SIPA1L3: variants seen among roughly 807,000 people sequenced by gnomAD.
The protein encoded by SIPA1L3 is signal-induced proliferation-associated 1-like protein 3.
In SIPA1L3, 59 loss-of-function variants were observed where a neutral mutation model predicts 150.1. The observed-to-expected ratio is 0.39, with a 90% CI of 0.32 to 0.49. SIPA1L3 has a LOEUF of 0.49. SIPA1L3 is among the 20% of genes least tolerant of loss of function. The pLI is 0.86. For missense variants in SIPA1L3, 2,211 were observed against 2,489.5 expected (o/e 0.89, Z 2.38); for synonymous variants, 1,070 against 1,077.6 (o/e 0.99, Z 0.14).
chr19:38,169,079 A>G (rs983774556), intron 15 of SIPA1L3, among the ~76,000 whole-genome samples: 2 of 152,150 alleles, frequency 1.3e-5, no homozygotes, highest in African/African-American at 2.4e-5. Context: ...GAGAAAATAA[A>G]ATGAGTTGAT....
chr19:38,197,889 C>G (rs1480021500), intron 18 of SIPA1L3, among the ~76,000 whole-genome samples: 2 of 134,546 alleles, frequency 1.5e-5, no homozygotes, highest in African/African-American at 6.3e-5. Flanking sequence ...CCCAAACACA[C>G]AGTCCGTCCC....
intron 1 of SIPA1L3, among the ~76,000 whole-genome samples, chr19:37,910,112 G>A (rs981558695): frequency 6.6e-6 from 1 of 152,170 alleles, no homozygotes; most frequent in Non-Finnish European, 1.5e-5. Context: ...AGAATGTGCA[G>A]TGATTGGTGC....
chr19:38,119,614 G>A lies in SIPA1L3; in HGVS notation c.2600G>A (p.Ser867Asn). ...GCACGGGCTGGCGCTGAGCAGCACA[G>A]TGCAGGGGCCATCGCCTGGAGGGTG... ...TKARAGAEQHSAGAIAWRVVA... is the reference protein window; with the variant it reads ...TKARAGAEQHNAGAIAWRVVA... Residue 867 changes from serine to asparagine, a missense_variant, in exon 9 of 22, where the codon AGT (serine) becomes AAT (asparagine). By Grantham distance (46) the Ser-to-Asn change is conservative. Coordinates refer to ENST00000222345, the MANE Select transcript of SIPA1L3 (RefSeq NM_015073.3). The A allele has an allele frequency of 6.2e-7, 1 of 1,614,258 alleles. No individual in the cohort carries two copies. The highest frequency in any genetic ancestry group is 8.5e-7 in the Non-Finnish European group (1 of 1,180,040).
intron 10 of SIPA1L3, among the ~76,000 whole-genome samples, chr19:38,137,857 A>T (rs4802248): frequency 0.36 from 54,011 of 151,722 alleles, 10,711 homozygotes; most frequent in East Asian, 0.62. Context: ...AAGGCCAGGC[A>T]TGGTGGCTCA....
intron 10 of SIPA1L3, among the ~76,000 whole-genome samples, chr19:38,139,504 A>G (rs1329785831): frequency 6.6e-6 from 1 of 152,116 alleles, no homozygotes; most frequent in Admixed American, 6.5e-5. Flanking sequence ...TGGCATGTCT[A>G]CAGGCTCTGA....
At chr19:38,118,970 G>C (rs953532004) in intron 8 of SIPA1L3, among the ~76,000 whole-genome samples, 2 of 152,174 alleles carry the variant, frequency 1.3e-5, no homozygotes, top group Non-Finnish European at 2.9e-5. Context: ...CCAGGAGGTA[G>C]GATGGCTTGA....
At chr19:38,185,853 T>C (rs1385464358) in intron 16 of SIPA1L3, 2 of 152,172 alleles carry the variant, frequency 1.3e-5, no homozygotes, top group African/African-American at 2.4e-5. Context: ...GAGGTCACAT[T>C]TGGAGATGCT....
intron 11 of SIPA1L3, 110 bp downstream of exon 11, chr19:38,141,545 T>G: frequency 1.7e-6 from 2 of 1,194,130 alleles, no homozygotes; most frequent in Non-Finnish European, 2.3e-6. Flanking sequence ...CGCCTCAAGC[T>G]TTCGACCTTC....
chr19:37,909,973 TAAAAA>T (rs34356507), intron 1 of SIPA1L3, among the ~76,000 whole-genome samples: 6 of 143,236 alleles, frequency 4.2e-5, no homozygotes, highest in Admixed American at 1.4e-4. Context: ...AGCAGTGGCT[TAAAAA>T]AAAAAAAAAA....
chr19:37,916,331 C>A (rs1365732837), intron 1 of SIPA1L3, among the ~76,000 whole-genome samples: 1 of 151,664 alleles, frequency 6.6e-6, no homozygotes, highest in Non-Finnish European at 1.5e-5. Context: ...CTGACCTCAT[C>A]TCTGCAAAAA....
intron 10 of SIPA1L3, 75 bp downstream of exon 10, chr19:38,130,847 G>A: frequency 6.8e-7 from 1 of 1,469,556 alleles, no homozygotes; most frequent in Non-Finnish European, 9.2e-7. Flanking sequence ...CCCTGGCACT[G>A]TCACTTGAGG....
intron 16 of SIPA1L3, among the ~76,000 whole-genome samples, chr19:38,191,398 CA>C (rs749460599): frequency 0.094 from 11,222 of 119,986 alleles, 1,180 homozygotes; most frequent in African/African-American, 0.27. Flanking sequence ...GGCTCTGTCT[CA>C]AAAAAAAAAA....
At chr19:38,038,139 A>T (rs572060788) in intron 2 of SIPA1L3, among the ~76,000 whole-genome samples, 1 of 152,080 alleles carries the variant, frequency 6.6e-6, no homozygotes, top group African/African-American at 2.4e-5. Context: ...ATGCCAGAGG[A>T]TGGGGCCAGG....
At chr19:38,079,590 T>A (rs1969931523) in intron 2 of SIPA1L3, among the ~76,000 whole-genome samples, 1 of 150,846 alleles carries the variant, frequency 6.6e-6, no homozygotes, top group Non-Finnish European at 1.5e-5. Context: ...AGGATCTCGC[T>A]TTGTTGCCCA....
intron 13 of SIPA1L3, among the ~76,000 whole-genome samples, chr19:38,157,325 A>G (rs1202757230): frequency 6.6e-6 from 1 of 152,178 alleles, no homozygotes; most frequent in Non-Finnish European, 1.5e-5. Context: ...CTTCATGTTT[A>G]GTCGTCTCAG....
intron 1 of SIPA1L3, among the ~76,000 whole-genome samples, chr19:37,962,456 A>G (rs2046867323): frequency 1.0e-5 from 1 of 95,746 alleles, no homozygotes; most frequent in Non-Finnish European, 1.9e-5. Context: ...GAGCCACTGC[A>G]GCCGGCCTTT....
At chr19:37,981,024 A>T (rs1967188886) in intron 1 of SIPA1L3, among the ~76,000 whole-genome samples, 1 of 152,156 alleles carries the variant, frequency 6.6e-6, no homozygotes, top group African/African-American at 2.4e-5. Flanking sequence ...TAATGCATAC[A>T]CCGTGCTCAG....
intron 6 of SIPA1L3, among the ~76,000 whole-genome samples, chr19:38,105,323 C>T (rs561268647): frequency 1.3e-5 from 2 of 151,810 alleles, no homozygotes; most frequent in Non-Finnish European, 2.9e-5. Context: ...CCACATTGCG[C>T]CATTGCTCTC....
At chr19:38,193,468 G>A in intron 17 of SIPA1L3, 69 bp from the exon 18 acceptor site, 2 of 1,395,844 alleles carry the variant, frequency 1.4e-6, no homozygotes, top group Non-Finnish European at 1.9e-6. Flanking sequence ...TAGAGGGGAA[G>A]ATGCCTCTGA....
Sources: gnomAD v4.1 joint callset for allele counts (sites outside exome capture counted in the v4.1 genomes callset) on GRCh38, gnomAD v4.1.1 for gene constraint, MANE v1.5 for transcripts, NCBI Gene and HGNC (gene_info 2026-07-23, HGNC 2026-07-21) for gene names.